KIAA0825: variants seen among roughly 807,000 people sequenced by gnomAD.
The protein encoded by KIAA0825 is KIAA0825, also known as uncharacterized protein KIAA0825.
A neutral mutation model predicts 147.6 loss-of-function variants in KIAA0825; 119 were observed. The ratio of observed to expected loss-of-function variants is 0.81; its 90% CI spans 0.69 to 0.94. The LOEUF (loss-of-function observed/expected upper bound fraction) is 0.94, where lower values mean the gene tolerates loss of function less well. KIAA0825 is among the 40% of genes least tolerant of loss of function. The probability of loss-of-function intolerance (pLI) is 0.00; values close to 1 mark genes in which losing one functional copy is unlikely to be tolerated. For missense variants in KIAA0825, 1,381 were observed against 1,472.7 expected, an observed-to-expected ratio of 0.94 and a Z score of 1.02; for synonymous variants, 470 against 518.1, an observed-to-expected ratio of 0.91 and a Z score of 1.26.
chr5:94,263,827 C>G (rs959967921), intron 20 of KIAA0825, among the ~76,000 whole-genome samples: 4 of 152,150 alleles, frequency 2.6e-5, no homozygotes, highest in Admixed American at 1.3e-4. Context: ...AGGCCTGCAG[C>G]ATCTCCACCT....
chr5:94,389,311 C>T (rs1400618673), intron 18 of KIAA0825, among the ~76,000 whole-genome samples: 2 of 152,174 alleles, frequency 1.3e-5, no homozygotes, highest in Non-Finnish European at 2.9e-5. Flanking sequence ...CTGCCCAGCC[C>T]ACTACCATTG....
At position 94,403,647 on chromosome 5, in the gene KIAA0825, G is replaced by A. The variant is rs1751679037; in HGVS notation, c.2809C>T (p.Pro937Ser). ...CETNLNKHIV[P>S]DCLLESMPKE... ...GGCATGCTCTCAAGCAAACAATCAG[G>A]AACAATGTGCTTGTTTAGGTTTGTC... is the stretch of plus-strand genomic sequence containing the variant. Residue 937 changes from proline (P) to serine (S), a missense_variant, in exon 16 of 21, where the codon CCT becomes TCT. Transcript: ENST00000682413. The A allele has an allele frequency of 7.1e-6, 11 of 1,551,376 alleles. No individual in the cohort carries two copies. Among genetic ancestry groups the A allele is most frequent in the African/African-American group, 1.4e-5 (1 of 73,008 alleles).
At chr5:94,461,935 T>A (rs1340242438) in intron 12 of KIAA0825, among the ~76,000 whole-genome samples, 1 of 151,952 alleles carries the variant, frequency 6.6e-6, no homozygotes, top group East Asian at 1.9e-4. Flanking sequence ...TCTTATTTGT[T>A]GAGCTAAGTA....
intron 20 of KIAA0825, among the ~76,000 whole-genome samples, chr5:94,169,630 G>A (rs1484679460): frequency 2.0e-5 from 3 of 151,308 alleles, no homozygotes; most frequent in Non-Finnish European, 4.4e-5. Flanking sequence ...GGTTGATGGT[G>A]CCTTTACTCT....
intron 20 of KIAA0825, among the ~76,000 whole-genome samples, chr5:94,302,095 C>G (rs1260504456): frequency 3.9e-5 from 6 of 152,144 alleles, no homozygotes; most frequent in African/African-American, 1.4e-4. Flanking sequence ...GCCCCCACTT[C>G]ATGCTTGAGT....
intron 5 of KIAA0825, among the ~76,000 whole-genome samples, chr5:94,516,351 G>GCATA (rs1767229524): frequency 6.6e-6 from 1 of 152,104 alleles, no homozygotes; most frequent in Admixed American, 6.5e-5. Flanking sequence ...GCATAGCATA[G>GCATA]CATAACATAG....
At chr5:94,259,260 A>G (rs1004564441) in intron 20 of KIAA0825, among the ~76,000 whole-genome samples, 1 of 152,036 alleles carries the variant, frequency 6.6e-6, no homozygotes, top group Non-Finnish European at 1.5e-5. Context: ...TAATCATTTT[A>G]TCTGTAACAG....
intron 20 of KIAA0825, among the ~76,000 whole-genome samples, chr5:94,171,556 G>C (rs374489690): frequency 2.0e-5 from 3 of 152,262 alleles, no homozygotes; most frequent in African/African-American, 7.2e-5. Flanking sequence ...TGTTTGGCAA[G>C]TAATAGGTAC....
chr5:94,505,967 T>G (rs1453556066), intron 5 of KIAA0825, among the ~76,000 whole-genome samples: 1 of 152,226 alleles, frequency 6.6e-6, no homozygotes, highest in African/African-American at 2.4e-5. Flanking sequence ...AAAATACGTT[T>G]AGCTATCAGC....
intron 10 of KIAA0825, among the ~76,000 whole-genome samples, chr5:94,467,737 G>A (rs1289518471): frequency 6.6e-6 from 1 of 152,186 alleles, no homozygotes; most frequent in Non-Finnish European, 1.5e-5. Flanking sequence ...ATGGCGATAG[G>A]TTCCCTTGAG....
At chr5:94,312,021 T>C (rs1779229800) in intron 20 of KIAA0825, among the ~76,000 whole-genome samples, 1 of 151,662 alleles carries the variant, frequency 6.6e-6, no homozygotes, top group Non-Finnish European at 1.5e-5. Flanking sequence ...ATTAGGCACA[T>C]CTACTTTCAA....
At chr5:94,195,922 C>T (rs891312590) in intron 20 of KIAA0825, among the ~76,000 whole-genome samples, 1 of 152,094 alleles carries the variant, frequency 6.6e-6, no homozygotes, top group East Asian at 1.9e-4. Flanking sequence ...GAAATCTGCC[C>T]ATGGCCCCTC....
chr5:94,346,675 G>A (rs988248454), intron 20 of KIAA0825, among the ~76,000 whole-genome samples: 6 of 152,184 alleles, frequency 3.9e-5, no homozygotes, highest in Non-Finnish European at 1.5e-5. Context: ...CTGGGAGCTT[G>A]TTGGGTCCCC....
In KIAA0825 at chr5:94,459,726, C is replaced by G. The variant is rs1020401585; in HGVS notation, c.2246+2661G>C. On this transcript the variant is annotated intron_variant, in intron 12 of 20. Coordinates refer to ENST00000682413, the MANE Select transcript of KIAA0825 (RefSeq NM_001145678.3). The stretch of plus-strand genomic sequence containing the variant: ...TGTTGGAAGTTGTATTGAAATCCCA[C>G]ACTTCCATCTTATTAAATGTTGAAA... Among the ~76,000 whole-genome samples, 3 of 152,070 alleles carry G rather than the reference C, an allele frequency of 2.0e-5. No individual in the cohort carries two copies. In the East Asian group the frequency reaches 5.8e-4, roughly 29 times the overall value.
intron 1 of KIAA0825, among the ~76,000 whole-genome samples, chr5:94,588,533 AAAC>A (rs1285826819): frequency 6.6e-6 from 1 of 152,206 alleles, no homozygotes; most frequent in Non-Finnish European, 1.5e-5. Context: ...AAAAGTCGGG[AAAC>A]AACAGATGCT....
intron 20 of KIAA0825, among the ~76,000 whole-genome samples, chr5:94,324,266 G>A (rs1053663884): frequency 6.6e-6 from 1 of 151,920 alleles, no homozygotes; most frequent in Non-Finnish European, 1.5e-5. Context: ...CAATGTATGC[G>A]AACCTCTGAA....
chr5:94,472,280 C>T (rs1404209190), intron 8 of KIAA0825, among the ~76,000 whole-genome samples: 1 of 152,034 alleles, frequency 6.6e-6, no homozygotes, highest in Non-Finnish European at 1.5e-5. Flanking sequence ...TCTAGCCTTT[C>T]CCAATTTATT....
At chr5:94,303,889 A>G (rs1056894521) in intron 20 of KIAA0825, among the ~76,000 whole-genome samples, 52 of 152,138 alleles carry the variant, frequency 3.4e-4, no homozygotes, top group Admixed American at 1.6e-3. Context: ...GGCCACAGAG[A>G]GATTCATTAA....
At position 94,152,841 on chromosome 5, in the gene KIAA0825, AAAAAAAAAAAAAAATTAT is replaced by A. The variant is rs1766611298; in HGVS notation, c.*1148_*1165del. On this transcript the variant is annotated 3_prime_UTR_variant, in exon 21 of 21. Coordinates refer to ENST00000682413, the MANE Select transcript of KIAA0825 (RefSeq NM_001145678.3). ...AAAATGAAAAAAAAAAAAAAAAAAA[AAAAAAAAAAAAAAATTAT>A]ATATATATATATATATATATATATA... is the stretch of plus-strand genomic sequence containing the variant. 1.8e-4 allele frequency: 6 copies of A among 33,852 alleles called. No homozygotes were observed. Among genetic ancestry groups the A allele is most frequent in the Admixed American group, 4.4e-4 (1 of 2,278 alleles). The allele number at this position is 33,852 out of a possible 1,614,324, so 2.1% of individuals were successfully genotyped here.
Sources: gnomAD v4.1 joint callset for allele counts (sites outside exome capture counted in the v4.1 genomes callset) on GRCh38, gnomAD v4.1.1 for gene constraint, MANE v1.5 for transcripts, NCBI Gene and HGNC (gene_info 2026-07-23, HGNC 2026-07-21) for gene names.